MACROD2: variants seen among roughly 807,000 people sequenced by gnomAD.
MACROD2 encodes ADP-ribose glycohydrolase MACROD2.
Under a neutral mutation model 70.4 loss-of-function variants are expected in MACROD2, and 36 were observed. The observed-to-expected ratio is 0.51, with a 90% confidence interval of 0.39 to 0.68. The LOEUF is 0.68. Among genes scored for constraint, MACROD2 ranks in the 30% least tolerant of loss-of-function variants. The pLI is 0.00. For synonymous variants in MACROD2, 172 were observed against 178.8 expected, an observed-to-expected ratio of 0.96 and a Z score of 0.30; for missense variants, 496 against 538.4, an observed-to-expected ratio of 0.92 and a Z score of 0.78.
At chr20:15,441,359 G>A (rs1306938932) in intron 7 of MACROD2, among the ~76,000 whole-genome samples, 1 of 152,066 alleles carries the variant, frequency 6.6e-6, no homozygotes, top group East Asian at 1.9e-4. Flanking sequence ...AAATATGCTA[G>A]TTCAGTGTAC....
At chr20:14,439,219 C>T (rs1280001473) in intron 3 of MACROD2, among the ~76,000 whole-genome samples, 7 of 151,920 alleles carry the variant, frequency 4.6e-5, no homozygotes, top group East Asian at 1.9e-4. Context: ...TGTGTAAGTT[C>T]GGGTTTACTT....
intron 5 of MACROD2, among the ~76,000 whole-genome samples, chr20:15,009,763 C>T (rs1185444696): frequency 1.3e-5 from 2 of 150,170 alleles, no homozygotes; most frequent in Non-Finnish European, 3.0e-5. Context: ...GGTCTCTCCC[C>T]ACCTCCCTAT....
intron 5 of MACROD2, among the ~76,000 whole-genome samples, chr20:15,061,417 G>A (rs545685715): frequency 1.3e-5 from 2 of 152,268 alleles, no homozygotes; most frequent in Admixed American, 1.3e-4. Context: ...GCCCTAGTCT[G>A]TCTCCCCAAG....
chr20:14,939,269 A>G (rs1343198136), intron 5 of MACROD2, among the ~76,000 whole-genome samples: 1 of 151,932 alleles, frequency 6.6e-6, no homozygotes, highest in African/African-American at 2.4e-5. Context: ...TGATTTTTAT[A>G]TATGGTGAGA....
intron 8 of MACROD2, among the ~76,000 whole-genome samples, chr20:15,767,826 C>A (rs938700578): frequency 6.6e-6 from 1 of 152,108 alleles, no homozygotes; most frequent in African/African-American, 2.4e-5. Flanking sequence ...ACATAAAGTT[C>A]TTTCTTCCTC....
chr20:15,996,168 A>G (rs913775365), intron 15 of MACROD2, among the ~76,000 whole-genome samples: 2 of 152,102 alleles, frequency 1.3e-5, no homozygotes, highest in Non-Finnish European at 2.9e-5. Context: ...AACACTTGTT[A>G]GTTCTTTCTT....
intron 2 of MACROD2, among the ~76,000 whole-genome samples, chr20:14,026,832 T>C (rs1807229002): frequency 6.6e-6 from 1 of 152,156 alleles, no homozygotes; most frequent in South Asian, 2.1e-4. Flanking sequence ...TTGGGACACA[T>C]AATAAGAGCA....
At chr20:15,784,434 G>T (rs2051886259) in intron 8 of MACROD2, among the ~76,000 whole-genome samples, 2 of 152,080 alleles carry the variant, frequency 1.3e-5, no homozygotes, top group Non-Finnish European at 1.5e-5. Context: ...AGAAATTTAT[G>T]CATCTGGTCA....
intron 8 of MACROD2, among the ~76,000 whole-genome samples, chr20:15,553,604 G>C (rs1405543946): frequency 6.6e-6 from 1 of 152,042 alleles, no homozygotes; most frequent in East Asian, 1.9e-4. Context: ...ATTTTTAGTA[G>C]AGTTGGGGTT....
At chr20:15,296,154 C>T (rs757301368) in intron 6 of MACROD2, among the ~76,000 whole-genome samples, 7 of 152,118 alleles carry the variant, frequency 4.6e-5, no homozygotes, top group African/African-American at 9.7e-5. Flanking sequence ...CCCAGTTAGC[C>T]GCTACCCACA....
rs552077336 is a variant in MACROD2, at chr20:15,554,446, G to A, written c.645+54599G>A. The stretch of plus-strand genomic sequence containing the variant: ...ATTTATAGCCTTGTAAATCTGAATG[G>A]ACTTCACCTTAGATAAAAACTTGGT... On this transcript the variant is annotated intron_variant, in intron 8 of 17. Transcript: ENST00000684519. Among the ~76,000 whole-genome samples the A allele has an allele frequency of 5.3e-5, 8 of 151,168 alleles. No homozygotes were observed. In the South Asian group the frequency reaches 1.7e-3, roughly 31 times the overall value.
At chr20:15,987,918 TTAAA>T (rs1193987413) in intron 15 of MACROD2, among the ~76,000 whole-genome samples, 3 of 152,302 alleles carry the variant, frequency 2.0e-5, no homozygotes, top group African/African-American at 4.8e-5. Flanking sequence ...CATACTGCTC[TTAAA>T]TAAATATGTA....
intron 1 of MACROD2, among the ~76,000 whole-genome samples, chr20:13,999,481 T>C (rs2052704675): frequency 6.6e-6 from 1 of 152,230 alleles, no homozygotes; most frequent in South Asian, 2.1e-4. Flanking sequence ...TTACATGGAT[T>C]ATCTCATTTA....
Position 14,174,604 on chromosome 20 carries a change from G to A in MACROD2, c.271+88876G>A, listed in dbSNP as rs939262588. 3.9e-5 allele frequency among the ~76,000 whole-genome samples: 6 copies of A among 152,208 alleles called. 1 individual carries two copies. The highest frequency in any genetic ancestry group is 3.3e-4 in the Admixed American group (5 of 15,282). ...CCAGGCCTCCCGGCTGAGAAAGCAA[G>A]TGGGGCTTTCAAGTTTCATGCCTCC... On this transcript the variant is annotated intron_variant, in intron 3 of 17. Transcript: ENST00000684519.
At chr20:15,232,029 C>T (rs1486467385) in intron 6 of MACROD2, among the ~76,000 whole-genome samples, 1 of 151,928 alleles carries the variant, frequency 6.6e-6, no homozygotes, top group East Asian at 1.9e-4. Flanking sequence ...CTCTTTTACA[C>T]ATAAAAAAGA....
intron 5 of MACROD2, among the ~76,000 whole-genome samples, chr20:15,007,227 G>C (rs933879169): frequency 2.0e-5 from 3 of 152,018 alleles, no homozygotes; most frequent in Admixed American, 1.3e-4. Context: ...AGCTGAGCAT[G>C]GTGGCGGGTG....
intron 2 of MACROD2, among the ~76,000 whole-genome samples, chr20:14,037,325 TA>T (rs1433662491): frequency 6.6e-6 from 1 of 152,244 alleles, no homozygotes; most frequent in East Asian, 1.9e-4. Flanking sequence ...TAGGTTTCTA[TA>T]AAAATTCTAC....
chr20:15,759,166 A>C (rs1348589725), intron 8 of MACROD2, among the ~76,000 whole-genome samples: 2 of 150,788 alleles, frequency 1.3e-5, no homozygotes, highest in Non-Finnish European at 3.0e-5. Context: ...AAAAAAAAAA[A>C]CAGAAATGGA....
chr20:15,790,921 A>T (rs757767289), intron 8 of MACROD2, among the ~76,000 whole-genome samples: 1 of 151,896 alleles, frequency 6.6e-6, no homozygotes, highest in Non-Finnish European at 1.5e-5. Flanking sequence ...TATTTGGATG[A>T]GTTTTATAAA....
Sources: gnomAD v4.1 joint callset for allele counts (sites outside exome capture counted in the v4.1 genomes callset) on GRCh38, gnomAD v4.1.1 for gene constraint, MANE v1.5 for transcripts, NCBI Gene and HGNC (gene_info 2026-07-23, HGNC 2026-07-21) for gene names.